Variants in RBFOX1 observed in about 807,000 individuals in gnomAD.
The protein encoded by RBFOX1 is RNA binding protein fox-1 homolog 1.
RBFOX1 carries 8 observed loss-of-function variants against 57.7 expected under a neutral mutation model. The ratio of observed to expected loss-of-function variants is 0.14; its 90% CI spans 0.08 to 0.25. RBFOX1 has a LOEUF of 0.25. Among genes scored for constraint, RBFOX1 ranks in the 10% least tolerant of loss-of-function variants. The pLI is 1.00. For missense variants in RBFOX1, 611 were observed against 548.5 expected (o/e 1.11, Z -1.14); for synonymous variants, 326 against 222.4 (o/e 1.47, Z -4.15).
At chr16:6,823,858 T>G (rs1472093796) in intron 3 of RBFOX1, among the ~76,000 whole-genome samples, 2 of 152,072 alleles carry the variant, frequency 1.3e-5, no homozygotes, top group Non-Finnish European at 2.9e-5. Flanking sequence ...CTCTGTGCTG[T>G]GGGCTGGGGT....
At chr16:7,492,646 T>G (rs116846485) in intron 4 of RBFOX1, among the ~76,000 whole-genome samples, 1 of 152,026 alleles carries the variant, frequency 6.6e-6, no homozygotes, top group East Asian at 1.9e-4. Context: ...TGGTGGGAGG[T>G]GATTGGACCA....
At chr16:5,937,621 G>C (rs1363860388) in intron 4 of RBFOX1, among the ~76,000 whole-genome samples, 1 of 149,976 alleles carries the variant, frequency 6.7e-6, no homozygotes, top group African/African-American at 2.4e-5. Context: ...GCTACATATA[G>C]AACTTTATAA....
intron 4 of RBFOX1, among the ~76,000 whole-genome samples, chr16:7,062,445 G>C (rs1053567336): frequency 1.3e-5 from 2 of 152,036 alleles, no homozygotes; most frequent in Non-Finnish European, 2.9e-5. Context: ...ATGAATCATG[G>C]GTACAGCAAG....
intron 1 of RBFOX1, among the ~76,000 whole-genome samples, chr16:6,167,248 C>T (rs1201399496): frequency 6.6e-6 from 1 of 152,196 alleles, no homozygotes; most frequent in African/African-American, 2.4e-5. Context: ...GCAAGTTTGC[C>T]GAAGTTGCTC....
At chr16:5,634,778 C>T (rs1450854854) in intron 3 of RBFOX1, among the ~76,000 whole-genome samples, 1 of 152,202 alleles carries the variant, frequency 6.6e-6, no homozygotes, top group African/African-American at 2.4e-5. Context: ...CTTCTGCAGA[C>T]AGATTCTGTC....
chr16:7,631,429 A>C (rs148118718), intron 11 of RBFOX1, among the ~76,000 whole-genome samples: 105 of 152,304 alleles, frequency 6.9e-4, no homozygotes, highest in African/African-American at 2.5e-3. Context: ...CCTCACCCCA[A>C]TTCCCAGAGC....
At chr16:6,554,642 C>T (rs1375859889) in intron 2 of RBFOX1, among the ~76,000 whole-genome samples, 1 of 152,100 alleles carries the variant, frequency 6.6e-6, no homozygotes, top group Admixed American at 6.5e-5. Flanking sequence ...CTTGCTTGTA[C>T]TCTCCTGATT....
At chr16:5,674,158 G>C (rs1446715698) in intron 3 of RBFOX1, among the ~76,000 whole-genome samples, 1 of 152,226 alleles carries the variant, frequency 6.6e-6, no homozygotes, top group African/African-American at 2.4e-5. Flanking sequence ...TTAGGGTCTA[G>C]AAGTGGGGCA....
chr16:7,461,007 C>T (rs775936120), intron 4 of RBFOX1, among the ~76,000 whole-genome samples: 13 of 152,184 alleles, frequency 8.5e-5, no homozygotes, highest in Non-Finnish European at 1.6e-4. Flanking sequence ...CCTTGAAGGA[C>T]AAGGAAGCCA....
At position 5,793,258 on chromosome 16, in the gene RBFOX1, C is replaced by G. The variant is rs181275159; in HGVS notation, c.319-74045C>G. Among the ~76,000 whole-genome samples the G allele has an allele frequency of 1.8e-3, 280 of 152,376 alleles. 1 individual carries two copies. The highest frequency in any genetic ancestry group is 5.5e-3 in the African/African-American group (227 of 41,592). On this transcript the variant is annotated intron_variant, in intron 3 of 19. Coordinates refer to the RBFOX1 transcript ENST00000641259. ...ACCGGCTCCTTTTGCCCACCGTGGG[C>G]AGCCCTGGCTGCCTCTGCTTCTCCC... is the stretch of plus-strand genomic sequence containing the variant.
rs193245785 is a variant in RBFOX1, at chr16:7,168,994, A to G, written c.27+116896A>G. 3.3e-5 allele frequency among the ~76,000 whole-genome samples: 5 copies of G among 152,350 alleles called. No homozygotes were observed. The East Asian group carries it at 9.7e-4, about 29-fold the overall frequency. On this transcript the variant is annotated intron_variant, in intron 4 of 15. Transcript: ENST00000550418. Reference sequence around the variant, plus strand: ...TAATTCTGATACTCTAATTAAGAGCAATAAACTATAGCACAGAAATATAAC... The same window carrying G: ...TAATTCTGATACTCTAATTAAGAGCGATAAACTATAGCACAGAAATATAAC...
intron 3 of RBFOX1, among the ~76,000 whole-genome samples, chr16:5,786,579 C>T (rs943462639): frequency 6.6e-6 from 1 of 152,062 alleles, no homozygotes; most frequent in South Asian, 2.1e-4. Flanking sequence ...TGTGGATGAT[C>T]TCTTCATTTT....
chr16:7,675,925 C>G (rs937286502), intron 13 of RBFOX1, among the ~76,000 whole-genome samples: 7 of 152,202 alleles, frequency 4.6e-5, no homozygotes, highest in Non-Finnish European at 1.0e-4. Flanking sequence ...GAGCAAGAAG[C>G]TCTGTTATAT....
chr16:6,490,749 A>G (rs1001096871), intron 2 of RBFOX1, among the ~76,000 whole-genome samples: 4 of 152,166 alleles, frequency 2.6e-5, no homozygotes, highest in Admixed American at 2.0e-4. Flanking sequence ...CAGCCTGGAG[A>G]CAGTTTAGGA....
At position 7,315,205 on chromosome 16, in the gene RBFOX1, A is replaced by G. The variant is rs1381423724; in HGVS notation, c.28-202942A>G. ...CTATAGAACTGAGAACTGAAAACCA[A>G]CAGAAGACAGAGTAGGAGTTTGAGG... On this transcript the variant is annotated intron_variant, in intron 4 of 15. Transcript: ENST00000550418. Among the ~76,000 whole-genome samples, 4 of 152,098 alleles carry G rather than the reference A, an allele frequency of 2.6e-5. No homozygotes were observed. The East Asian group carries it at 5.8e-4, about 22-fold the overall frequency.
intron 2 of RBFOX1, among the ~76,000 whole-genome samples, chr16:6,634,690 T>C (rs796715303): frequency 4.8e-5 from 2 of 41,868 alleles, no homozygotes; most frequent in African/African-American, 1.0e-4. Context: ...ACATATATAA[T>C]ACAAAGATAC....
intron 1 of RBFOX1, among the ~76,000 whole-genome samples, chr16:6,056,055 A>T (rs1356425471): frequency 1.3e-5 from 2 of 152,110 alleles, no homozygotes; most frequent in Non-Finnish European, 2.9e-5. Flanking sequence ...GGTGGGATAG[A>T]GGGGCAAAGT....
intron 3 of RBFOX1, among the ~76,000 whole-genome samples, chr16:7,018,797 A>AG (rs930458489): frequency 5.3e-4 from 80 of 151,204 alleles, no homozygotes; most frequent in Non-Finnish European, 9.7e-4. Context: ...TAAAAAAAAA[A>AG]AAGAAGAAAT....
chr16:6,467,148 A>G (rs2153074078), intron 2 of RBFOX1, among the ~76,000 whole-genome samples: 1 of 151,110 alleles, frequency 6.6e-6, no homozygotes, highest in Admixed American at 6.6e-5. Flanking sequence ...AATAAAGTTT[A>G]CTTAATATAT....
Sources: gnomAD v4.1 joint callset for allele counts (sites outside exome capture counted in the v4.1 genomes callset) on GRCh38, gnomAD v4.1.1 for gene constraint, MANE v1.5 for transcripts, NCBI Gene and HGNC (gene_info 2026-07-23, HGNC 2026-07-21) for gene names.